PKD2: variants seen among roughly 807,000 people sequenced by gnomAD.
PKD2 encodes polycystin 2, transient receptor potential cation channel, also known as polycystin-2.
Under a neutral mutation model 105.9 loss-of-function variants are expected in PKD2, and 48 were observed. The observed-to-expected ratio is 0.45, with a 90% confidence interval of 0.36 to 0.58. The LOEUF is 0.58. Ranked by LOEUF, PKD2 falls within the 20% of genes least tolerant of loss-of-function variation. PKD2 has a pLI of 0.00. For missense variants in PKD2, 1,078 were observed against 1,255.3 expected (o/e 0.86, Z 2.13); for synonymous variants, 464 against 481.1 (o/e 0.96, Z 0.46).
chr4:88,035,134 G>A (rs1049195952), intron 2 of PKD2, among the ~76,000 whole-genome samples: 1 of 152,162 alleles, frequency 6.6e-6, no homozygotes, highest in Admixed American at 6.5e-5. Flanking sequence ...CTGAAGCTCA[G>A]AAAGTTTAAG....
In PKD2 at chr4:88,046,712, C is replaced by T. The variant is rs121918042; in HGVS notation, c.1390C>T (p.Arg464Ter). 1.9e-6 allele frequency: 3 copies of T among 1,613,520 alleles called. No individual in the cohort carries two copies. Among genetic ancestry groups the T allele is most frequent in the Non-Finnish European group, 2.5e-6 (3 of 1,179,496 alleles). ...GCAATTTCAGCCTTTAAAGCTGATC[C>T]GATATGTCACAACTTTTGATTTCTT... is the stretch of plus-strand genomic sequence containing the variant. ...SWQFQPLKLI[R>*]YVTTFDFFLA... Residue 464 changes from arginine (R) to a stop codon, truncating the protein, a stop_gained, in exon 6 of 15, where the codon CGA becomes TGA. Coordinates refer to ENST00000237596, the MANE Select transcript of PKD2 (RefSeq NM_000297.4). LOFTEE classifies it high-confidence loss of function.
chr4:88,008,078 CG>C lies in PKD2; in HGVS notation c.346del (p.Val116Ter). ...EEGGMVVEMD[V>X]EWRPGSRRSA... is the part of the protein sequence containing the mutation. ...AAGGCGGAATGGTGGTGGAGATGGA[CG>C]TAGAGTGGCGCCCGGGCAGCCGGAG... On this transcript the variant is annotated frameshift_variant, in exon 1 of 15. Coordinates refer to ENST00000237596, the MANE Select transcript of PKD2 (RefSeq NM_000297.4). LOFTEE classifies it high-confidence loss of function. The C allele has an allele frequency of 1.3e-6, 2 of 1,519,688 alleles. No individual in the cohort carries two copies. Among genetic ancestry groups the C allele is most frequent in the Non-Finnish European group, 1.8e-6 (2 of 1,138,946 alleles). The allele number at this position is 1,519,688 out of a possible 1,614,324, so 94.1% of individuals were successfully genotyped here.
chr4:88,066,952 A>G (rs576991495), intron 12 of PKD2, among the ~76,000 whole-genome samples: 1 of 152,212 alleles, frequency 6.6e-6, no homozygotes, highest in Non-Finnish European at 1.5e-5. Flanking sequence ...CTCCAGTCAC[A>G]GTGAAATTTA....
At chr4:88,008,349 G>C (rs1410949515) in intron 1 of PKD2, 21 bp downstream of exon 1, 1 of 1,511,566 alleles carries the variant, frequency 6.6e-7, no homozygotes, top group Non-Finnish European at 8.8e-7. Context: ...GCGACCCGCA[G>C]CGGCAGATGC....
chr4:88,073,597 A>T (rs184244523), intron 13 of PKD2, among the ~76,000 whole-genome samples: 1 of 151,652 alleles, frequency 6.6e-6, no homozygotes, highest in African/African-American at 2.4e-5. Flanking sequence ...GAGATACTGT[A>T]GCCCTAGACT....
intron 4 of PKD2, among the ~76,000 whole-genome samples, chr4:88,042,661 T>C (rs1198392861): frequency 6.6e-6 from 1 of 152,212 alleles, no homozygotes; most frequent in African/African-American, 2.4e-5. Flanking sequence ...TTCTTATTAT[T>C]ATCCACCTTG....
At chr4:88,044,119 G>A (rs1727682752) in intron 5 of PKD2, among the ~76,000 whole-genome samples, 1 of 152,050 alleles carries the variant, frequency 6.6e-6, no homozygotes, top group Non-Finnish European at 1.5e-5. Flanking sequence ...TCGGCTCTTG[G>A]GACATGTCAG....
chr4:88,071,860 T>C (rs2110146800), intron 13 of PKD2, among the ~76,000 whole-genome samples: 1 of 152,284 alleles, frequency 6.6e-6, no homozygotes, highest in South Asian at 2.1e-4. Flanking sequence ...GTTATTACAT[T>C]TCATTGTTTA....
At chr4:88,020,038 T>C (rs1560598319) in intron 2 of PKD2, among the ~76,000 whole-genome samples, 1 of 152,176 alleles carries the variant, frequency 6.6e-6, no homozygotes, top group Non-Finnish European at 1.5e-5. Context: ...TCATCGTCAG[T>C]GGTGGTGATT....
chr4:88,033,644 C>T (rs1727236978), intron 2 of PKD2, among the ~76,000 whole-genome samples: 1 of 152,038 alleles, frequency 6.6e-6, no homozygotes, highest in African/African-American at 2.4e-5. Context: ...TTTCAATTTA[C>T]ATACTTATAT....
chr4:88,070,601 T>TATATATATATAGAG (rs1313482750), intron 13 of PKD2, among the ~76,000 whole-genome samples: 8 of 91,482 alleles, frequency 8.7e-5, no homozygotes, highest in Admixed American at 1.4e-4. Context: ...TATATATATA[T>TATATATATATAGAG]AGAGAGAGAG....
intron 7 of PKD2, 37 bp from the exon 8 acceptor site, chr4:88,056,049 T>C: frequency 3.9e-6 from 5 of 1,288,948 alleles, no homozygotes; most frequent in Non-Finnish European, 5.7e-6. Flanking sequence ...CCATTTTGTT[T>C]ATCCATTCAT....
Position 88,075,819 on chromosome 4 carries a change from A to G in PKD2, c.*125A>G. 6.5e-6 allele frequency: 5 copies of G among 773,604 alleles called. No homozygotes were observed. The South Asian group carries it at 6.9e-5, about 11-fold the overall frequency. 47.9% of individuals were successfully genotyped at this position (773,604 alleles called of 1,614,324 possible). ...TGCTAGTCTTTGTGACCGATTGCTA[A>G]TCTTCTGCACTTTAATTTATTTTAT... On this transcript the variant is annotated 3_prime_UTR_variant, in exon 15 of 15. Coordinates refer to ENST00000237596, the MANE Select transcript of PKD2 (RefSeq NM_000297.4).
intron 2 of PKD2, among the ~76,000 whole-genome samples, chr4:88,028,459 A>G (rs1727033801): frequency 6.6e-6 from 1 of 152,240 alleles, no homozygotes; most frequent in Non-Finnish European, 1.5e-5. Context: ...AGTAACTATT[A>G]AGCCTTCAAC....
At chr4:88,032,069 A>G (rs1489387058) in intron 2 of PKD2, among the ~76,000 whole-genome samples, 1 of 152,126 alleles carries the variant, frequency 6.6e-6, no homozygotes, top group Non-Finnish European at 1.5e-5. Flanking sequence ...GTGATTTAGT[A>G]AGAGTCTAAA....
At chr4:88,035,512 G>A (rs1000128775) in intron 2 of PKD2, among the ~76,000 whole-genome samples, 1 of 152,182 alleles carries the variant, frequency 6.6e-6, no homozygotes, top group Admixed American at 6.5e-5. Flanking sequence ...GGGATTGGGG[G>A]AGGGAGTGGC....
intron 5 of PKD2, 104 bp downstream of exon 5, chr4:88,043,561 G>A: frequency 1.3e-6 from 1 of 784,366 alleles, no homozygotes; most frequent in Non-Finnish European, 2.2e-6. Flanking sequence ...GCTACATGAG[G>A]ATGCCAAGGA....
intron 13 of PKD2, among the ~76,000 whole-genome samples, chr4:88,073,482 C>T (rs1425792055): frequency 1.3e-5 from 2 of 151,778 alleles, no homozygotes; most frequent in African/African-American, 2.4e-5. Flanking sequence ...GCCAAGATCA[C>T]GCCACTGCAC....
At chr4:88,073,135 G>A (rs1438221803) in intron 13 of PKD2, among the ~76,000 whole-genome samples, 2 of 148,210 alleles carry the variant, frequency 1.3e-5, no homozygotes, top group Admixed American at 1.4e-4. Flanking sequence ...AGTATCACTT[G>A]ACGCTAGGAG....
Sources: allele counts gnomAD v4.1 joint callset (sites outside exome capture counted in the v4.1 genomes callset), GRCh38; gene constraint gnomAD v4.1.1; transcripts MANE v1.5; gene names NCBI Gene and HGNC (gene_info 2026-07-23, HGNC 2026-07-21).